Variants in CEP128 observed in about 807,000 individuals in gnomAD.
The protein encoded by CEP128 is centrosomal protein 128kDa.
Under a neutral mutation model 156.7 loss-of-function variants are expected in CEP128, and 132 were observed. The ratio of observed to expected loss-of-function variants is 0.84; its 90% confidence interval spans 0.73 to 0.97. CEP128 has a LOEUF of 0.97. CEP128 is among the 50% of genes least tolerant of loss of function. The pLI is 0.00. For missense variants in CEP128, 1,252 were observed against 1,281.9 expected, an observed-to-expected ratio of 0.98 and a Z score of 0.36; for synonymous variants, 469 against 448.9, an observed-to-expected ratio of 1.04 and a Z score of -0.57.
intron 2 of CEP128, chr14:80,955,739 G>A (rs2139669485): frequency 2.5e-6 from 4 of 1,614,194 alleles, no homozygotes; most frequent in Non-Finnish European, 3.4e-6. Flanking sequence ...AGGGACCTGG[G>A]CGGAATGGGG....
chr14:80,820,996 C>G (rs1451147716), intron 13 of CEP128, among the ~76,000 whole-genome samples: 1 of 151,984 alleles, frequency 6.6e-6, no homozygotes, highest in East Asian at 1.9e-4. Flanking sequence ...AAAAATCTTC[C>G]TAATGTTGAC....
chr14:80,497,520 C>G lies in CEP128; in HGVS notation c.3244G>C (p.Gly1082Arg). 6.2e-7 allele frequency: 1 copy of G among 1,613,250 alleles called. No homozygotes were observed. The highest frequency in any genetic ancestry group is 1.1e-5 in the South Asian group (1 of 90,996). ...ASNKEDATMN[G>R]TSSQPKKEEY... is the part of the protein sequence containing the mutation. ...TCTTTTTTGGGTTGTGAACTTGTTCCATTCATTGTGGCATCTTCCTTGTTT... is the reference window on the plus strand; with the variant it reads ...TCTTTTTTGGGTTGTGAACTTGTTCGATTCATTGTGGCATCTTCCTTGTTT... Residue 1082 changes from glycine (G) to arginine (R), a missense_variant, in exon 25 of 25, where the codon GGA (glycine) becomes CGA (arginine). Transcript: ENST00000555265.
In CEP128 at chr14:80,622,570, G is replaced by C. The variant is rs1893526539; in HGVS notation, c.2807-42147C>G. 3.3e-5 allele frequency among the ~76,000 whole-genome samples: 5 copies of C among 150,102 alleles called. No individual in the cohort carries two copies. The South Asian group carries it at 1.1e-3, about 32-fold the overall frequency. ...TCGCAACCTACTCATCTGACAAAGG[G>C]CTAATATCCAGAATCTACAATGAAC... is the stretch of plus-strand genomic sequence containing the variant. On this transcript the variant is annotated intron_variant, in intron 19 of 24. Transcript: ENST00000555265.
chr14:80,801,286 G>C (rs774292060), intron 13 of CEP128, among the ~76,000 whole-genome samples: 1 of 152,160 alleles, frequency 6.6e-6, no homozygotes, highest in Admixed American at 6.5e-5. Context: ...GAACAGGAGT[G>C]GTGAGAGAGG....
intron 20 of CEP128, among the ~76,000 whole-genome samples, chr14:80,571,902 C>T (rs1379588322): frequency 6.6e-6 from 1 of 152,136 alleles, no homozygotes; most frequent in Non-Finnish European, 1.5e-5. Flanking sequence ...GTTCTCTCAC[C>T]GGCTGAGGAA....
chr14:80,942,075 A>G (rs1405383900), upstream of CEP128, among the ~76,000 whole-genome samples: 1 of 152,020 alleles, frequency 6.6e-6, no homozygotes, highest in Non-Finnish European at 1.5e-5. Context: ...GGAGTCCCCC[A>G]GGACTACGGT....
intron 19 of CEP128, among the ~76,000 whole-genome samples, chr14:80,724,608 C>T (rs558163920): frequency 6.6e-6 from 1 of 151,892 alleles, no homozygotes; most frequent in Non-Finnish European, 1.5e-5. Flanking sequence ...TCTATGTTTA[C>T]CTTAACGATA....
intron 19 of CEP128, among the ~76,000 whole-genome samples, chr14:80,632,738 T>A (rs1209611152): frequency 6.6e-6 from 1 of 152,094 alleles, no homozygotes; most frequent in Non-Finnish European, 1.5e-5. Context: ...TATGTGCATA[T>A]CTCCTAGTTC....
chr14:80,680,564 C>T (rs1437766501), intron 19 of CEP128, among the ~76,000 whole-genome samples: 1 of 152,132 alleles, frequency 6.6e-6, no homozygotes, highest in East Asian at 1.9e-4. Flanking sequence ...ATTTCGAGCA[C>T]CCATTCACCA....
chr14:80,666,655 G>A (rs1033478133), intron 19 of CEP128, among the ~76,000 whole-genome samples: 2 of 150,202 alleles, frequency 1.3e-5, no homozygotes, highest in Non-Finnish European at 3.0e-5. Flanking sequence ...TTTGTAAGAT[G>A]TTAGGGATAT....
intron 18 of CEP128, 55 bp downstream of exon 18, chr14:80,756,837 G>A (rs550159204): frequency 7.8e-6 from 9 of 1,156,740 alleles, no homozygotes; most frequent in South Asian, 5.3e-5. Context: ...AACCAAATAG[G>A]ATGGCTTAAA....
In CEP128 at chr14:80,561,896, C is replaced by CTATATATATATATATATATATATATA. The variant is rs145642470; in HGVS notation, c.2857-2595_2857-2594insTATATATATATATATATATATATATA. Among the ~76,000 whole-genome samples the CTATATATATATATATATATATATATA allele has an allele frequency of 1.4e-3, 195 of 142,224 alleles. 3 individuals are homozygous for CTATATATATATATATATATATATATA. The highest frequency in any genetic ancestry group is 2.8e-3 in the African/African-American group (105 of 37,208). 93.3% of individuals were successfully genotyped at this position (142,224 alleles called of 152,430 possible). A position where few individuals can be genotyped will look rare whatever the true frequency, so the allele number is the denominator to read the frequency against. On this transcript the variant is annotated intron_variant, in intron 20 of 24. Transcript: ENST00000555265. ...CTCCATTTTGTTGAAATACGAAGGTCTATATATATATATATATTTGTTTTG... is the reference window on the plus strand; with the variant it reads ...CTCCATTTTGTTGAAATACGAAGGTCTATATATATATATATATATATATATATATATATATATATATATTTGTTTTG...
At chr14:80,563,689 C>CA (rs1471478659) in intron 20 of CEP128, among the ~76,000 whole-genome samples, 31 of 151,920 alleles carry the variant, frequency 2.0e-4, no homozygotes, top group African/African-American at 7.5e-4. Context: ...CGCGTGCCAC[C>CA]ACACCCAGCT....
intron 15 of CEP128, among the ~76,000 whole-genome samples, chr14:80,783,552 T>C (rs766662381): frequency 2.3e-4 from 35 of 152,270 alleles, no homozygotes; most frequent in Non-Finnish European, 4.3e-4. Context: ...GGTAGTATTG[T>C]TATTGTCACA....
chr14:80,508,306 CTA>C (rs2140205625), intron 23 of CEP128, among the ~76,000 whole-genome samples: 1 of 152,190 alleles, frequency 6.6e-6, no homozygotes, highest in East Asian at 1.9e-4. Context: ...AATTTAAAAA[CTA>C]TGGAAAAATT....
intron 8 of CEP128, among the ~76,000 whole-genome samples, chr14:80,889,102 T>C (rs1595551455): frequency 6.6e-6 from 1 of 152,112 alleles, no homozygotes. Context: ...CAAGGAGAAC[T>C]ACACCCACTG....
At chr14:80,567,720 A>G (rs534495160) in intron 20 of CEP128, among the ~76,000 whole-genome samples, 1 of 151,944 alleles carries the variant, frequency 6.6e-6, no homozygotes, top group South Asian at 2.1e-4. Context: ...ACTGCTCGTA[A>G]CAGGTAACAA....
At chr14:80,701,313 C>A (rs1371328366) in intron 19 of CEP128, among the ~76,000 whole-genome samples, 1 of 152,158 alleles carries the variant, frequency 6.6e-6, no homozygotes, top group African/African-American at 2.4e-5. Context: ...GGGTATGGAA[C>A]AGACTCTCCT....
At chr14:80,617,222 T>TA (rs1893256489) in intron 19 of CEP128, among the ~76,000 whole-genome samples, 2 of 93,552 alleles carry the variant, frequency 2.1e-5, no homozygotes, top group South Asian at 8.8e-4. Flanking sequence ...ATATCATCTT[T>TA]TTTTTTTTTT....
Sources: allele counts gnomAD v4.1 joint callset (sites outside exome capture counted in the v4.1 genomes callset), GRCh38; gene constraint gnomAD v4.1.1; transcripts MANE v1.5; gene names NCBI Gene and HGNC (gene_info 2026-07-23, HGNC 2026-07-21).